The following NDUFA2 variants were observed in gnomAD, a reference collection of about 807,000 sequenced individuals.
NDUFA2 encodes the protein NADH dehydrogenase [ubiquinone] 1 alpha subcomplex subunit 2.
A neutral mutation model predicts 11.4 loss-of-function variants in NDUFA2; 9 were observed. That is an observed-to-expected ratio of 0.79 (90% confidence interval 0.48 to 1.38). The LOEUF (loss-of-function observed/expected upper bound fraction) is 1.38. Ranked by LOEUF, NDUFA2 falls within the 40% of genes most tolerant of loss-of-function variation. The pLI is 0.00. For synonymous variants in NDUFA2, 49 were observed against 54.0 expected, an observed-to-expected ratio of 0.91 and a Z score of 0.41; for missense variants, 150 against 131.2, an observed-to-expected ratio of 1.14 and a Z score of -0.70.
chr5:140,647,225 G>A, intron 2 of NDUFA2, 31 bp downstream of exon 2: 1 of 1,522,110 alleles, frequency 6.6e-7, no homozygotes. Context: ...TCCCCTACCG[G>A]AGCCCCAGAC....
chr5:140,647,444 C>A (rs886552960), intron 1 of NDUFA2, 39 bp downstream of exon 1: 4 of 1,606,910 alleles, frequency 2.5e-6, no homozygotes, highest in African/African-American at 2.7e-5. Context: ...GTGACCCTGG[C>A]GTCCCGAAGC....
intron 2 of NDUFA2, chr5:140,647,028 T>C (rs1336516938): frequency 4.0e-6 from 2 of 505,802 alleles, no homozygotes; most frequent in Non-Finnish European, 3.4e-6. Flanking sequence ...CGTCAGCTCC[T>C]GGTCCCTACG....
At chr5:140,646,813 A>G in intron 2 of NDUFA2, among the ~76,000 whole-genome samples, 1 of 152,212 alleles carries the variant, frequency 6.6e-6, no homozygotes, top group East Asian at 1.9e-4. Context: ...TAATCTCTAC[A>G]GTGAGAAAAG....
intron 2 of NDUFA2, 117 bp from the exon 3 acceptor site, chr5:140,645,795 A>G: frequency 6.6e-7 from 1 of 1,509,118 alleles, no homozygotes; most frequent in Non-Finnish European, 9.0e-7. Flanking sequence ...TATTAAAGAG[A>G]TATGATCAAA....
Position 140,647,629 on chromosome 5 carries a change from G to A in NDUFA2, c.-46C>T, listed in dbSNP as rs1460195287. 1.3e-6 allele frequency: 2 copies of A among 1,594,318 alleles called. No individual in the cohort carries two copies. The highest frequency in any genetic ancestry group is 1.7e-5 in the Admixed American group (1 of 58,224). ...CCAATTCCAGGTCTTCAGGCCAAGT[G>A]CTCCGGTCTGACCAACCGCGGACCC... On this transcript the variant is annotated 5_prime_UTR_variant, in exon 1 of 3. Transcript: ENST00000252102.
rs1478273104 is a variant in NDUFA2 at position 140,647,192 on chromosome 5, C to G, written c.208+64G>C. 3 of 1,493,422 alleles carry G rather than the reference C, an allele frequency of 2.0e-6. No individual in the cohort carries two copies. In the East Asian group the frequency reaches 6.9e-5, roughly 34 times the overall value. The allele number at this position is 1,493,422 out of a possible 1,614,324, so 92.5% of individuals were successfully genotyped here. A position where few individuals can be genotyped will look rare whatever the true frequency, so the allele number is the denominator to read the frequency against. ...GGGTTTCTGCACGACCTTGGGCGGT[C>G]CCTTCTCTTCTCAAACCCTTGTTCC... On this transcript the variant is annotated intron_variant, in intron 2 of 2. Transcript: ENST00000252102.
At chr5:140,645,791 A>G (rs1757358283) in intron 2 of NDUFA2, 113 bp from the exon 3 acceptor site, 6 of 1,522,998 alleles carry the variant, frequency 3.9e-6, no homozygotes, top group Middle Eastern at 1.7e-4. Context: ...AGAGTATTAA[A>G]GAGATATGAT....
At chr5:140,646,646 T>G (rs1757417209) in intron 2 of NDUFA2, among the ~76,000 whole-genome samples, 1 of 152,174 alleles carries the variant, frequency 6.6e-6, no homozygotes, top group South Asian at 2.1e-4. Context: ...TAGGAAAATT[T>G]CATTTTGCAA....
Position 140,645,645 on chromosome 5 carries a change from T to G in NDUFA2, c.242A>C (p.Asn81Thr). The G allele has an allele frequency of 6.2e-7, 1 of 1,614,178 alleles. No homozygotes were observed. Among genetic ancestry groups the G allele is most frequent in the Non-Finnish European group, 8.5e-7 (1 of 1,180,040 alleles). The stretch of plus-strand genomic sequence containing the variant: ...TCTGGTTACCTGATCAGCACTGAAG[T>G]TGTTCAAAGGGACATTCGTCTCTTG... ...FGQETNVPLN[N>T]FSADQVTRAL... The change falls in exon 3 of 3, where the codon AAC becomes ACC. Residue 81 changes from asparagine (N) to threonine (T), a missense_variant. Transcript: ENST00000252102.
At chr5:140,646,988 C>T in intron 2 of NDUFA2, 1 of 404,706 alleles carries the variant, frequency 2.5e-6, no homozygotes, top group South Asian at 3.9e-5. Flanking sequence ...AACTTCTCTC[C>T]TGTCTGAAGC....
At position 140,647,250 on chromosome 5, in the gene NDUFA2, AC is replaced by A; in HGVS notation, c.208+5del. ...GAGCCCCAGACCCCTGGCGTCCCGCACTCACCGTAGCGGGCCCAGAGCTTGG... is the reference window on the plus strand; with the variant it reads ...GAGCCCCAGACCCCTGGCGTCCCGCATCACCGTAGCGGGCCCAGAGCTTGG... On this transcript the variant is annotated splice_donor_5th_base_variant and intron_variant, in intron 2 of 2. Coordinates refer to ENST00000252102, the MANE Select transcript of NDUFA2 (RefSeq NM_002488.5). 6.5e-7 allele frequency: 1 copy of A among 1,540,798 alleles called. No homozygotes were observed. Among genetic ancestry groups the A allele is most frequent in the African/African-American group, 1.4e-5 (1 of 72,730 alleles).
rs1212620960 is a variant in NDUFA2, at chr5:140,645,290, G to A, written c.*297C>T. ...AGGCAGGAGGACCAAAAGGGACTCA[G>A]TGTGGTCTACTTACTCTGGGGCCCT... On this transcript the variant is annotated 3_prime_UTR_variant, in exon 3 of 3. Coordinates refer to ENST00000252102, the MANE Select transcript of NDUFA2 (RefSeq NM_002488.5). The A allele has an allele frequency of 5.6e-6, 4 of 712,184 alleles. No homozygotes were observed. The highest frequency in any genetic ancestry group is 7.3e-6 in the Non-Finnish European group (3 of 413,526). The allele number at this position is 712,184 out of a possible 1,614,324, so 44.1% of individuals were successfully genotyped here.
chr5:140,647,217 C>T (rs753797530), intron 2 of NDUFA2, 39 bp downstream of exon 2: 1 of 1,520,468 alleles, frequency 6.6e-7, no homozygotes, highest in South Asian at 1.3e-5. Context: ...ACCCTTGTTC[C>T]CCTACCGGAG....
chr5:140,645,574 C>T lies in NDUFA2; in HGVS notation c.*13G>A, dbSNP rs971481499. The T allele has an allele frequency of 2.5e-6, 4 of 1,613,946 alleles. No homozygotes were observed. The African/African-American group carries it at 5.3e-5, about 22-fold the overall frequency. On this transcript the variant is annotated 3_prime_UTR_variant, in exon 3 of 3. Transcript: ENST00000252102. ...GGCTCTGGGGCTGTTGCTCTTAATC[C>T]TCAGTGGAGGCTTCAGGCTTTACCA...
chr5:140,647,086 T>C lies in NDUFA2; in HGVS notation c.208+170A>G, dbSNP rs1320698970. 4 of 749,158 alleles carry C rather than the reference T, an allele frequency of 5.3e-6. No individual in the cohort carries two copies. The Admixed American group carries it at 1.3e-4, about 24-fold the overall frequency. 46.4% of individuals were successfully genotyped at this position (749,158 alleles called of 1,614,324 possible). A position where few individuals can be genotyped will look rare whatever the true frequency, so the allele number is the denominator to read the frequency against. On this transcript the variant is annotated intron_variant, in intron 2 of 2. Transcript: ENST00000252102. ...CTTATGTTGCCCGGAATACAACGCA[T>C]CATATAACCCTGCGAATATAAATTT...
Position 140,645,555 on chromosome 5 carries a change from G to A in NDUFA2, c.*32C>T. Reference sequence around the variant, plus strand: ...CTAAGTCCAGCAGAGCCCAGGCTCTGGGGCTGTTGCTCTTAATCCTCAGTG... The same window carrying A: ...CTAAGTCCAGCAGAGCCCAGGCTCTAGGGCTGTTGCTCTTAATCCTCAGTG... On this transcript the variant is annotated 3_prime_UTR_variant, in exon 3 of 3. Transcript: ENST00000252102. The A allele has an allele frequency of 6.2e-7, 1 of 1,613,070 alleles. No individual in the cohort carries two copies. Among genetic ancestry groups the A allele is most frequent in the Non-Finnish European group, 8.5e-7 (1 of 1,179,234 alleles).
chr5:140,645,476 T>C lies in NDUFA2; in HGVS notation c.*111A>G, dbSNP rs774895169. On this transcript the variant is annotated 3_prime_UTR_variant, in exon 3 of 3. Coordinates refer to ENST00000252102, the MANE Select transcript of NDUFA2 (RefSeq NM_002488.5). ...AGGACAAGAACACCCTGAGAAAGTATTTTACAGCACAAGCTTTATGAGGAA... is the reference window on the plus strand; with the variant it reads ...AGGACAAGAACACCCTGAGAAAGTACTTTACAGCACAAGCTTTATGAGGAA... The C allele has an allele frequency of 1.4e-6, 2 of 1,419,812 alleles. No individual in the cohort carries two copies. Among genetic ancestry groups the C allele is most frequent in the African/African-American group, 2.8e-5 (2 of 71,204 alleles). 88.0% of individuals were successfully genotyped at this position (1,419,812 alleles called of 1,614,324 possible).
chr5:140,646,860 GAGTT>G (rs1421402763), intron 2 of NDUFA2, among the ~76,000 whole-genome samples: 2 of 152,268 alleles, frequency 1.3e-5, no homozygotes, highest in Admixed American at 1.3e-4. Flanking sequence ...AAGATTAAAT[GAGTT>G]AGGCAGGGAA....
chr5:140,645,524 A>G lies in NDUFA2; in HGVS notation c.*63T>C, dbSNP rs2149800715. ...GAATAGGAGAACACATTTTTTTCAC[A>G]TTATACTAAGTCCAGCAGAGCCCAG... On this transcript the variant is annotated 3_prime_UTR_variant, in exon 3 of 3. Transcript: ENST00000252102. The G allele has an allele frequency of 1.9e-6, 3 of 1,599,666 alleles. No homozygotes were observed. Among genetic ancestry groups the G allele is most frequent in the Non-Finnish European group, 2.6e-6 (3 of 1,168,568 alleles).
Sources: allele counts gnomAD v4.1 joint callset (sites outside exome capture counted in the v4.1 genomes callset), GRCh38; gene constraint gnomAD v4.1.1; transcripts MANE v1.5; gene names NCBI Gene and HGNC (gene_info 2026-07-23, HGNC 2026-07-21).